PTPRD: variants seen among roughly 807,000 people sequenced by gnomAD.
The protein encoded by PTPRD is receptor-type tyrosine-protein phosphatase delta.
Under a neutral mutation model 214.5 loss-of-function variants are expected in PTPRD, and 34 were observed. That is an observed-to-expected ratio of 0.16 (90% CI 0.12 to 0.21). The LOEUF (loss-of-function observed/expected upper bound fraction) is 0.21, where lower values mean the gene tolerates loss of function less well. Among genes scored for constraint, PTPRD ranks in the 10% least tolerant of loss-of-function variants. The pLI is 1.00. For synonymous variants in PTPRD, 1,128 were observed against 845.7 expected (o/e 1.33, Z -5.79); for missense variants, 2,545 against 2,398.7 (o/e 1.06, Z -1.27).
intron 1 of PTPRD, 51 bp downstream of exon 1, chr9:10,612,637 G>A (rs376490535): frequency 6.6e-6 from 1 of 152,268 alleles, no homozygotes; most frequent in Non-Finnish European, 1.5e-5. Context: ...AAAAGAAAGC[G>A]CGCTCGGAAA....
chr9:9,118,617 G>A (rs1297565847), intron 10 of PTPRD, among the ~76,000 whole-genome samples: 1 of 152,134 alleles, frequency 6.6e-6, no homozygotes, highest in Non-Finnish European at 1.5e-5. Flanking sequence ...TGAAAATAAA[G>A]TTCTTATATG....
At chr9:9,479,509 T>C (rs547364116) in intron 8 of PTPRD, among the ~76,000 whole-genome samples, 3 of 152,268 alleles carry the variant, frequency 2.0e-5, no homozygotes, top group Admixed American at 2.0e-4. Flanking sequence ...CATTACAAGG[T>C]AGGCAGTATT....
chr9:9,441,198 C>G (rs541486721), intron 8 of PTPRD, among the ~76,000 whole-genome samples: 1 of 152,250 alleles, frequency 6.6e-6, no homozygotes, highest in East Asian at 1.9e-4. Context: ...CGACAAGACT[C>G]CAGGCAGCTG....
At chr9:8,799,530 T>TGTTA (rs551421615) in intron 11 of PTPRD, among the ~76,000 whole-genome samples, 41 of 152,302 alleles carry the variant, frequency 2.7e-4, no homozygotes, top group African/African-American at 9.9e-4. Context: ...AGGAAGGAAG[T>TGTTA]GTTACCTTGC....
chr9:9,087,418 G>T (rs2099768722), intron 10 of PTPRD, among the ~76,000 whole-genome samples: 2 of 152,134 alleles, frequency 1.3e-5, no homozygotes, highest in South Asian at 4.1e-4. Context: ...GAGAAAAACT[G>T]TGAGAAGGTC....
At chr9:10,480,836 T>A (rs1296862268) in intron 2 of PTPRD, among the ~76,000 whole-genome samples, 2 of 152,208 alleles carry the variant, frequency 1.3e-5, no homozygotes, top group East Asian at 3.9e-4. Context: ...ACTTATTCAA[T>A]ATTTCCACAA....
At chr9:10,006,054 A>T (rs2096466805) in intron 4 of PTPRD, among the ~76,000 whole-genome samples, 1 of 152,094 alleles carries the variant, frequency 6.6e-6, no homozygotes, top group Non-Finnish European at 1.5e-5. Context: ...ATATGATGGT[A>T]TTATACAAAA....
At chr9:9,759,247 G>T (rs1249499484) in intron 6 of PTPRD, among the ~76,000 whole-genome samples, 1 of 152,094 alleles carries the variant, frequency 6.6e-6, no homozygotes, top group Non-Finnish European at 1.5e-5. Context: ...AGTCTGTACT[G>T]GTAATGATTA....
chr9:9,656,293 C>G (rs1200553227), intron 7 of PTPRD, among the ~76,000 whole-genome samples: 1 of 152,110 alleles, frequency 6.6e-6, no homozygotes, highest in East Asian at 1.9e-4. Flanking sequence ...AAACTTATGT[C>G]CACATAAAAT....
chr9:10,314,397 G>A (rs187666084), intron 3 of PTPRD, among the ~76,000 whole-genome samples: 41 of 152,044 alleles, frequency 2.7e-4, no homozygotes, highest in African/African-American at 9.9e-4. Flanking sequence ...ATGACTTTGG[G>A]ATTTTGAATC....
At chr9:9,828,840 A>T (rs982400194) in intron 5 of PTPRD, among the ~76,000 whole-genome samples, 1 of 151,948 alleles carries the variant, frequency 6.6e-6, no homozygotes, top group Non-Finnish European at 1.5e-5. Context: ...TGCTAGAAAG[A>T]AGATAACCAC....
At chr9:9,808,244 G>A (rs1449870383) in intron 5 of PTPRD, among the ~76,000 whole-genome samples, 1 of 152,130 alleles carries the variant, frequency 6.6e-6, no homozygotes, top group Non-Finnish European at 1.5e-5. Context: ...GGTCTGATGA[G>A]CATTTCGAAT....
chr9:9,968,736 C>T (rs536368486), intron 4 of PTPRD, among the ~76,000 whole-genome samples: 1 of 152,174 alleles, frequency 6.6e-6, no homozygotes, highest in Admixed American at 6.5e-5. Context: ...GAAACAACAA[C>T]AACAACAAAA....
At chr9:10,609,752 T>C (rs1302891336) in intron 2 of PTPRD, among the ~76,000 whole-genome samples, 1 of 152,162 alleles carries the variant, frequency 6.6e-6, no homozygotes, top group South Asian at 2.1e-4. Context: ...AGCATTGTTT[T>C]CTTTCTAAAT....
chr9:10,564,269 C>G (rs1310533369), intron 2 of PTPRD, among the ~76,000 whole-genome samples: 2 of 144,130 alleles, frequency 1.4e-5, no homozygotes, highest in Non-Finnish European at 1.5e-5. Flanking sequence ...CCCACCTCAG[C>G]CTCCCAAATT....
intron 45 of PTPRD, among the ~76,000 whole-genome samples, 174 bp downstream of exon 45, chr9:8,319,657 C>T (rs1031880554): frequency 1.3e-4 from 20 of 152,094 alleles, no homozygotes; most frequent in Non-Finnish European, 1.5e-4. Context: ...CACTAAGACA[C>T]TAATAATCTC....
intron 9 of PTPRD, among the ~76,000 whole-genome samples, chr9:9,308,757 T>G (rs1957934840): frequency 6.6e-6 from 1 of 152,182 alleles, no homozygotes; most frequent in South Asian, 2.1e-4. Context: ...TTGATACAAT[T>G]TAAAACATAA....
At chr9:9,318,121 A>G (rs1964321452) in intron 9 of PTPRD, among the ~76,000 whole-genome samples, 1 of 152,058 alleles carries the variant, frequency 6.6e-6, no homozygotes, top group South Asian at 2.1e-4. Context: ...CAGTAAGCCG[A>G]GATCGTGCCA....
intron 3 of PTPRD, among the ~76,000 whole-genome samples, chr9:10,248,592 G>T (rs1276585473): frequency 6.6e-6 from 1 of 150,908 alleles, no homozygotes; most frequent in East Asian, 1.9e-4. Context: ...GAGATTGTAG[G>T]TTAAGCAAAA....
Sources: allele counts gnomAD v4.1 joint callset (sites outside exome capture counted in the v4.1 genomes callset), GRCh38; gene constraint gnomAD v4.1.1; transcripts MANE v1.5; gene names NCBI Gene and HGNC (gene_info 2026-07-23, HGNC 2026-07-21).